ZBTB20: variants seen among roughly 807,000 people sequenced by gnomAD.
ZBTB20 encodes the protein zinc finger and BTB domain-containing protein 20.
In ZBTB20, 9 loss-of-function variants were observed where a neutral mutation model predicts 56.9. The ratio of observed to expected loss-of-function variants is 0.16; its 90% confidence interval spans 0.10 to 0.28. The LOEUF is 0.28. Ranked by LOEUF, ZBTB20 falls within the 10% of genes least tolerant of loss-of-function variation. The probability of loss-of-function intolerance (pLI) is 1.00; values close to 1 mark genes in which losing one functional copy is unlikely to be tolerated. For missense variants in ZBTB20, 655 were observed against 1,003.0 expected (o/e 0.65, Z 4.69); for synonymous variants, 417 against 420.7 (o/e 0.99, Z 0.11).
intron 1 of ZBTB20, among the ~76,000 whole-genome samples, chr3:115,082,220 A>G (rs996979340): frequency 6.6e-6 from 1 of 152,222 alleles, no homozygotes; most frequent in African/African-American, 2.4e-5. Context: ...ACAAGTTCTA[A>G]AATTGCGGTT....
At chr3:115,147,180 C>G (rs1452011791) in intron 1 of ZBTB20, 39 bp downstream of exon 1, 2 of 150,256 alleles carry the variant, frequency 1.3e-5, no homozygotes, top group Admixed American at 1.3e-4. Context: ...CTCCCTCTCT[C>G]CCGCCCGTCC....
At chr3:115,111,297 A>G (rs2083875809) in intron 1 of ZBTB20, among the ~76,000 whole-genome samples, 1 of 152,068 alleles carries the variant, frequency 6.6e-6, no homozygotes, top group East Asian at 1.9e-4. Flanking sequence ...AACACTGCCC[A>G]TAATGAAATC....
intron 1 of ZBTB20, among the ~76,000 whole-genome samples, chr3:115,105,093 C>T (rs1474510342): frequency 1.3e-5 from 2 of 151,884 alleles, no homozygotes; most frequent in African/African-American, 4.9e-5. Context: ...AAATAGCTTG[C>T]GTACCCTCGT....
chr3:115,079,451 C>T (rs991177101), intron 1 of ZBTB20, among the ~76,000 whole-genome samples: 1 of 152,050 alleles, frequency 6.6e-6, no homozygotes, highest in East Asian at 1.9e-4. Context: ...TGCAGTGGTG[C>T]AATCTCAGCT....
intron 7 of ZBTB20, among the ~76,000 whole-genome samples, chr3:114,469,010 C>CA (rs1164804884): frequency 0.048 from 3,179 of 66,484 alleles, 52 homozygotes; most frequent in Admixed American, 0.056. Context: ...TCAAGAGAAG[C>CA]AAAAAAAAAA....
intron 3 of ZBTB20, among the ~76,000 whole-genome samples, chr3:114,959,171 T>C (rs914622521): frequency 6.6e-6 from 1 of 152,044 alleles, no homozygotes; most frequent in Non-Finnish European, 1.5e-5. Context: ...TCAAACACAC[T>C]AAAGAGTGTT....
chr3:114,819,225 A>T (rs1371728462), intron 4 of ZBTB20, among the ~76,000 whole-genome samples: 2 of 152,010 alleles, frequency 1.3e-5, no homozygotes, highest in Admixed American at 6.6e-5. Context: ...CTATTTATGT[A>T]TGAAAACATA....
intron 6 of ZBTB20, among the ~76,000 whole-genome samples, chr3:114,513,318 C>T (rs1291461864): frequency 1.3e-5 from 2 of 152,152 alleles, no homozygotes; most frequent in East Asian, 3.9e-4. Flanking sequence ...CAATCAATCC[C>T]TTTTCTAAAA....
chr3:114,920,162 A>G (rs907611102), intron 3 of ZBTB20, among the ~76,000 whole-genome samples: 1 of 152,202 alleles, frequency 6.6e-6, no homozygotes, highest in African/African-American at 2.4e-5. Flanking sequence ...AAAAATAGAC[A>G]CCAGTATAAT....
intron 6 of ZBTB20, among the ~76,000 whole-genome samples, chr3:114,552,550 C>CA (rs1202866809): frequency 1.3e-5 from 2 of 151,934 alleles, no homozygotes; most frequent in African/African-American, 4.8e-5. Flanking sequence ...CCAAACCGCC[C>CA]AAAATTAATG....
chr3:114,516,658 G>C (rs943194564), intron 6 of ZBTB20, among the ~76,000 whole-genome samples: 1 of 152,188 alleles, frequency 6.6e-6, no homozygotes, highest in Non-Finnish European at 1.5e-5. Context: ...ATGCTGTAGA[G>C]TGGGCCTGCA....
intron 5 of ZBTB20, among the ~76,000 whole-genome samples, chr3:114,749,484 C>T (rs559299394): frequency 2.6e-5 from 4 of 151,754 alleles, no homozygotes; most frequent in East Asian, 3.9e-4. Flanking sequence ...ACCCAGGAGG[C>T]GGAGCTTGCA....
intron 1 of ZBTB20, among the ~76,000 whole-genome samples, chr3:115,111,205 A>C (rs1437498542): frequency 6.6e-6 from 1 of 152,064 alleles, no homozygotes; most frequent in Non-Finnish European, 1.5e-5. Flanking sequence ...TAATACTCCC[A>C]ACATCACTTA....
intron 1 of ZBTB20, among the ~76,000 whole-genome samples, chr3:115,141,437 C>T (rs2084808296): frequency 6.6e-6 from 1 of 152,152 alleles, no homozygotes; most frequent in African/African-American, 2.4e-5. Flanking sequence ...AACAAGTACA[C>T]TTGAAACCAT....
At chr3:115,072,575 A>C (rs903213165) in intron 1 of ZBTB20, among the ~76,000 whole-genome samples, 2 of 152,204 alleles carry the variant, frequency 1.3e-5, no homozygotes, top group Admixed American at 6.5e-5. Flanking sequence ...TCCAACTCTT[A>C]AGCTGCCTTG....
chr3:114,840,578 C>A (rs542418231), intron 4 of ZBTB20, among the ~76,000 whole-genome samples: 1 of 152,122 alleles, frequency 6.6e-6, no homozygotes, highest in Non-Finnish European at 1.5e-5. Context: ...AAAATGTTTG[C>A]GTCTAGCTTG....
chr3:114,671,361 A>AT (rs1288497731), intron 6 of ZBTB20, among the ~76,000 whole-genome samples: 1 of 152,062 alleles, frequency 6.6e-6, no homozygotes, highest in African/African-American at 2.4e-5. Flanking sequence ...TGTAATCATA[A>AT]TTTTGTATTC....
intron 3 of ZBTB20, among the ~76,000 whole-genome samples, chr3:114,926,303 T>C (rs75364877): frequency 0.021 from 3,235 of 152,336 alleles, 115 homozygotes; most frequent in African/African-American, 0.074. Context: ...GAACCTCCTC[T>C]AATATTTCTC....
At chr3:114,909,476 T>C (rs778863010) in intron 3 of ZBTB20, among the ~76,000 whole-genome samples, 3 of 152,044 alleles carry the variant, frequency 2.0e-5, no homozygotes, top group Admixed American at 6.6e-5. Flanking sequence ...ATAAATTTAG[T>C]GTAGCCTAAG....
Sources: gnomAD v4.1 joint callset for allele counts (sites outside exome capture counted in the v4.1 genomes callset) on GRCh38, gnomAD v4.1.1 for gene constraint, MANE v1.5 for transcripts, NCBI Gene and HGNC (gene_info 2026-07-23, HGNC 2026-07-21) for gene names.